Variants in PRICKLE1 observed in about 807,000 individuals in gnomAD.
PRICKLE1 encodes prickle-like protein 1.
PRICKLE1 carries 14 observed loss-of-function variants against 70.2 expected under a neutral mutation model. The observed-to-expected ratio is 0.20, with a 90% CI of 0.13 to 0.31. The LOEUF (loss-of-function observed/expected upper bound fraction) is 0.31. Ranked by LOEUF, PRICKLE1 falls within the 10% of genes least tolerant of loss-of-function variation. PRICKLE1 has a pLI of 1.00. For synonymous variants in PRICKLE1, 357 were observed against 379.9 expected (o/e 0.94, Z 0.70); for missense variants, 821 against 1,026.2 (o/e 0.80, Z 2.73).
chr12:42,480,435 G>A (rs1225357082), intron 1 of PRICKLE1, among the ~76,000 whole-genome samples: 1 of 152,192 alleles, frequency 6.6e-6, no homozygotes, highest in Non-Finnish European at 1.5e-5. Context: ...AAAAATCTAT[G>A]TAGTAATTAT....
chr12:42,491,292 T>C, intron 1 of PRICKLE1, among the ~76,000 whole-genome samples: 1 of 151,326 alleles, frequency 6.6e-6, no homozygotes, highest in Non-Finnish European at 1.5e-5. Context: ...GTAGCTCACA[T>C]CTGTAATCCT....
At chr12:42,479,153 A>G (rs1938694870) in intron 1 of PRICKLE1, among the ~76,000 whole-genome samples, 1 of 152,248 alleles carries the variant, frequency 6.6e-6, no homozygotes, top group African/African-American at 2.4e-5. Context: ...CAACGTACCA[A>G]TTGGCATTGC....
chr12:42,480,925 G>A (rs138963284), intron 1 of PRICKLE1, among the ~76,000 whole-genome samples: 24 of 152,314 alleles, frequency 1.6e-4, no homozygotes, highest in Non-Finnish European at 2.9e-4. Context: ...GGGTCTTAAA[G>A]AAGATTAATA....
chr12:42,560,766 TCTCACACACACACACACACACACACACA>T (rs1311525395), intron 1 of PRICKLE1, among the ~76,000 whole-genome samples: 17 of 119,366 alleles, frequency 1.4e-4, no homozygotes, highest in African/African-American at 4.5e-4. Flanking sequence ...AAGCCCATCT[TCTCACACACACACACACACACACACACA>T]CACACACACA....
At chr12:42,466,168 G>A in intron 6 of PRICKLE1, 26 bp downstream of exon 6, 1 of 1,613,258 alleles carries the variant, frequency 6.2e-7, no homozygotes, top group African/African-American at 1.3e-5. Context: ...TAGGTGACAG[G>A]GCAGACGGGC....
In PRICKLE1 at chr12:42,546,748, C is replaced by T. The variant is rs948483406; in HGVS notation, c.-49+42717G>A. Among the ~76,000 whole-genome samples the T allele has an allele frequency of 3.9e-5, 6 of 152,120 alleles. No individual in the cohort carries two copies. The East Asian group carries it at 1.2e-3, about 29-fold the overall frequency. On this transcript the variant is annotated intron_variant, in intron 1 of 7. Coordinates refer to ENST00000345127, the MANE Select transcript of PRICKLE1 (RefSeq NM_153026.3). ...CAGCCTGGGTGACACAGCGAGACTC[C>T]ATCTCAAACAAAACAAAATAAAATA...
rs879051249 is a variant in PRICKLE1, at chr12:42,459,735, C to T, written c.*74G>A. The T allele has an allele frequency of 4.6e-5, 73 of 1,572,898 alleles. No individual in the cohort carries two copies. The South Asian group carries it at 8.2e-4, about 18-fold the overall frequency. ...CACTTTAAACTATTTTCACAACTTT[C>T]CTACGGAAGAAAAGGAAACGATTCA... On this transcript the variant is annotated 3_prime_UTR_variant, in exon 8 of 8. Coordinates refer to ENST00000345127, the MANE Select transcript of PRICKLE1 (RefSeq NM_153026.3).
intron 1 of PRICKLE1, among the ~76,000 whole-genome samples, chr12:42,542,722 C>T (rs1940139029): frequency 6.6e-6 from 1 of 152,162 alleles, no homozygotes; most frequent in South Asian, 2.1e-4. Flanking sequence ...ATTTCTTTCT[C>T]CTAACCAGGA....
intron 1 of PRICKLE1, among the ~76,000 whole-genome samples, chr12:42,570,723 G>T (rs1940695540): frequency 6.6e-6 from 1 of 152,184 alleles, no homozygotes; most frequent in Admixed American, 6.5e-5. Flanking sequence ...GGGAGGCTGA[G>T]GCAGGAGAAT....
At chr12:42,585,032 C>CTT (rs113214994) in intron 1 of PRICKLE1, among the ~76,000 whole-genome samples, 9 of 145,040 alleles carry the variant, frequency 6.2e-5, no homozygotes, top group East Asian at 2.0e-4. Context: ...ACAGCCCTAA[C>CTT]TTTTTTTTTT....
At chr12:42,485,313 C>T (rs989567386) in intron 1 of PRICKLE1, 1 of 128,102 alleles carries the variant, frequency 7.8e-6, no homozygotes, top group Non-Finnish European at 1.6e-5. Context: ...TGTGGCTCTG[C>T]TGGTAGACTA....
chr12:42,580,341 T>C (rs1371245567), intron 1 of PRICKLE1, among the ~76,000 whole-genome samples: 2 of 152,230 alleles, frequency 1.3e-5, no homozygotes, highest in African/African-American at 2.4e-5. Flanking sequence ...TTGAATAATA[T>C]GCTCAACATC....
chr12:42,550,393 G>A (rs945127176), intron 1 of PRICKLE1: 14 of 152,134 alleles, frequency 9.2e-5, no homozygotes, highest in Admixed American at 7.2e-4. Context: ...AGGAAAAGAA[G>A]AAGCAATATC....
At chr12:42,523,256 C>T (rs759808006) in intron 1 of PRICKLE1, among the ~76,000 whole-genome samples, 13 of 152,198 alleles carry the variant, frequency 8.5e-5, no homozygotes, top group Non-Finnish European at 1.3e-4. Flanking sequence ...CGTAAGCCAC[C>T]GCGTCCAGCC....
intron 5 of PRICKLE1, 114 bp from the exon 6 acceptor site, chr12:42,466,494 T>C (rs990733079): frequency 1.2e-6 from 1 of 855,042 alleles, no homozygotes; most frequent in Non-Finnish European, 1.9e-6. Flanking sequence ...CTTAAAAAAA[T>C]CAGATAGCTA....
At position 42,468,708 on chromosome 12, in the gene PRICKLE1, A is replaced by G. The variant is rs1341137672; in HGVS notation, c.506T>C (p.Ile169Thr). ...FTCNELLVDL[I>T]YFYQDGKIHC... ...AATTTTTCCATCCTGATAAAAATAGATGAGGTCGACCAGCAGCTCATTACA... is the reference window on the plus strand; with the variant it reads ...AATTTTTCCATCCTGATAAAAATAGGTGAGGTCGACCAGCAGCTCATTACA... The change falls in exon 5 of 8, where the codon ATC becomes ACC. Residue 169 changes from isoleucine (I) to threonine (T), a missense_variant. Transcript: ENST00000345127. The G allele has an allele frequency of 6.2e-7, 1 of 1,614,156 alleles. No individual in the cohort carries two copies. Among genetic ancestry groups the G allele is most frequent in the South Asian group, 1.1e-5 (1 of 91,088 alleles).
Position 42,459,596 on chromosome 12 carries a change from G to T in PRICKLE1, c.*213C>A. 1 of 658,468 alleles carries T rather than the reference G, an allele frequency of 1.5e-6. No homozygotes were observed. The highest frequency in any genetic ancestry group is 2.6e-6 in the Non-Finnish European group (1 of 380,306). 40.8% of individuals were successfully genotyped at this position (658,468 alleles called of 1,614,324 possible). On this transcript the variant is annotated 3_prime_UTR_variant, in exon 8 of 8. Transcript: ENST00000345127. ...CACCCGCACCGGACAGGCACGAGAT[G>T]TCACGTCCACCTGGCACCATCCAAA...
At chr12:42,569,322 C>T (rs11181563) in intron 1 of PRICKLE1, among the ~76,000 whole-genome samples, 20,164 of 152,108 alleles carry the variant, frequency 0.13, 1,708 homozygotes, top group Non-Finnish European at 0.19. Context: ...ACATAATGCC[C>T]GTAGAGTTGC....
At chr12:42,526,156 G>C (rs1178434065) in intron 1 of PRICKLE1, among the ~76,000 whole-genome samples, 5 of 152,198 alleles carry the variant, frequency 3.3e-5, no homozygotes, top group African/African-American at 4.8e-5. Flanking sequence ...AGAATGTGTA[G>C]GCAAAAACTC....
Sources: allele counts gnomAD v4.1 joint callset (sites outside exome capture counted in the v4.1 genomes callset), GRCh38; gene constraint gnomAD v4.1.1; transcripts MANE v1.5; gene names NCBI Gene and HGNC (gene_info 2026-07-23, HGNC 2026-07-21).